Variants in DYM observed in about 807,000 individuals in gnomAD.
DYM encodes the protein dyggve-Melchior-Clausen syndrome protein.
Under a neutral mutation model 93.1 loss-of-function variants are expected in DYM, and 78 were observed. The observed-to-expected ratio is 0.84, with a 90% CI of 0.70 to 1.01. The LOEUF is 1.01. Among genes scored for constraint, DYM ranks in the 50% least tolerant of loss-of-function variants. The pLI is 0.00. For synonymous variants in DYM, 321 were observed against 319.7 expected (o/e 1.00, Z -0.04); for missense variants, 789 against 845.0 (o/e 0.93, Z 0.82).
At chr18:49,047,836 G>C (rs887344303) in intron 17 of DYM, among the ~76,000 whole-genome samples, 6 of 152,046 alleles carry the variant, frequency 3.9e-5, no homozygotes, top group Non-Finnish European at 4.4e-5. Context: ...TGTAGCAAGA[G>C]GGGGGCAACA....
chr18:49,450,900 T>C (rs1244710278), intron 1 of DYM, among the ~76,000 whole-genome samples: 1 of 152,204 alleles, frequency 6.6e-6, no homozygotes, highest in African/African-American at 2.4e-5. Flanking sequence ...AATCAAGCTA[T>C]ATTAAGGACT....
At chr18:49,085,964 G>C (rs72921680) in intron 17 of DYM, among the ~76,000 whole-genome samples, 52,272 of 152,012 alleles carry the variant, frequency 0.34, 9,770 homozygotes, top group Middle Eastern at 0.46. Context: ...GTTTGTGAAT[G>C]ACACATTTCT....
intron 10 of DYM, among the ~76,000 whole-genome samples, chr18:49,275,449 G>A (rs186081885): frequency 2.0e-5 from 3 of 152,168 alleles, no homozygotes; most frequent in South Asian, 2.1e-4. Context: ...GGCTATTCTT[G>A]GACCTTTGTA....
At chr18:49,189,436 T>G (rs1006455467) in intron 14 of DYM, among the ~76,000 whole-genome samples, 2 of 152,176 alleles carry the variant, frequency 1.3e-5, no homozygotes, top group African/African-American at 4.8e-5. Context: ...CTGGGAAGCA[T>G]TAGATAATAT....
intron 5 of DYM, among the ~76,000 whole-genome samples, chr18:49,377,020 A>C (rs1318428240): frequency 6.6e-6 from 1 of 152,228 alleles, no homozygotes; most frequent in Non-Finnish European, 1.5e-5. Flanking sequence ...ATGGGGTCTC[A>C]GAGGGAGAAG....
chr18:49,082,774 C>T (rs985739692), intron 17 of DYM, among the ~76,000 whole-genome samples: 4 of 152,176 alleles, frequency 2.6e-5, no homozygotes, highest in Admixed American at 2.0e-4. Flanking sequence ...AATGTGTATA[C>T]ATTTGATTTC....
chr18:49,243,390 C>T (rs778740299), intron 13 of DYM, among the ~76,000 whole-genome samples: 1 of 152,012 alleles, frequency 6.6e-6, no homozygotes, highest in Admixed American at 6.6e-5. Context: ...TAGGGCTGGG[C>T]GTGGTGGCTC....
intron 14 of DYM, among the ~76,000 whole-genome samples, chr18:49,179,021 T>C (rs11874545): frequency 3.7e-4 from 56 of 152,174 alleles, no homozygotes; most frequent in African/African-American, 1.3e-3. Flanking sequence ...AGGGCATTGA[T>C]ACATTATATT....
chr18:49,343,742 A>T (rs73445727), intron 6 of DYM, among the ~76,000 whole-genome samples: 3,940 of 152,270 alleles, frequency 0.026, 158 homozygotes, highest in African/African-American at 0.089. Flanking sequence ...CCATTCGTGT[A>T]CAAATTTTAA....
chr18:49,410,515 CAA>C lies in DYM; in HGVS notation c.141-18872_141-18871del, dbSNP rs113670754. 6.3e-4 allele frequency among the ~76,000 whole-genome samples: 88 copies of C among 139,042 alleles called. 1 individual carries two copies. The highest frequency in any genetic ancestry group is 1.9e-3 in the African/African-American group (72 of 37,754). The allele number at this position is 139,042 out of a possible 152,430, so 91.2% of individuals were successfully genotyped here. Reference sequence around the variant, plus strand: ...TGGTTGTATAATAACACCACAACCTCAAAAAAAAAAAAAGTCTTATTATATAC... The same window carrying C: ...TGGTTGTATAATAACACCACAACCTCAAAAAAAAAAAGTCTTATTATATAC... On this transcript the variant is annotated intron_variant, in intron 2 of 17. Coordinates refer to ENST00000675505, the MANE Select transcript of DYM (RefSeq NM_001353214.3).
rs533151834 is a variant in DYM at position 49,217,422 on chromosome 18, C to T, written c.1461-7707G>A. ...CAGAGAACGCCACAAAGATACTCCT[C>T]GAGAAGAGCAACTCCAAGACACATA... is the stretch of plus-strand genomic sequence containing the variant. On this transcript the variant is annotated intron_variant, in intron 13 of 17. Coordinates refer to ENST00000675505, the MANE Select transcript of DYM (RefSeq NM_001353214.3). 2.8e-3 allele frequency among the ~76,000 whole-genome samples: 421 copies of T among 152,010 alleles called. 1 individual carries two copies. The highest frequency in any genetic ancestry group is 4.9e-3 in the Admixed American group (75 of 15,268).
intron 3 of DYM, among the ~76,000 whole-genome samples, chr18:49,380,434 T>C (rs2067939267): frequency 6.6e-6 from 1 of 152,190 alleles, no homozygotes; most frequent in African/African-American, 2.4e-5. Context: ...ACAGCTAACA[T>C]ATGCTGAACA....
chr18:49,315,563 G>A (rs2146447955), intron 8 of DYM, among the ~76,000 whole-genome samples: 1 of 152,252 alleles, frequency 6.6e-6, no homozygotes, highest in East Asian at 1.9e-4. Flanking sequence ...TTTATGGTCT[G>A]ATTACTTAAA....
intron 15 of DYM, chr18:49,126,079 C>T (rs1280219001): frequency 6.6e-6 from 1 of 152,198 alleles, no homozygotes; most frequent in Admixed American, 6.5e-5. Context: ...AGTATTTATA[C>T]ATTTGTAATC....
chr18:49,135,326 T>G (rs1426630609), intron 15 of DYM, among the ~76,000 whole-genome samples: 1 of 152,168 alleles, frequency 6.6e-6, no homozygotes, highest in Non-Finnish European at 1.5e-5. Context: ...TATGAAAAAT[T>G]GGCCAGATAT....
intron 3 of DYM, among the ~76,000 whole-genome samples, chr18:49,388,414 A>G (rs901312249): frequency 6.6e-6 from 1 of 152,098 alleles, no homozygotes; most frequent in Non-Finnish European, 1.5e-5. Context: ...GTCAGAGAGA[A>G]AAAGAATGTA....
rs2070774295 is a variant in DYM at position 49,038,202 on chromosome 18, C to T, written c.*5853G>A. Among the ~76,000 whole-genome samples the T allele has an allele frequency of 1.3e-5, 2 of 152,092 alleles. No homozygotes were observed. The highest frequency in any genetic ancestry group is 2.9e-5 in the Non-Finnish European group (2 of 68,014). Reference sequence around the variant, plus strand: ...AAAGTATGTTATTGAGTTTGGTGTCCTACATACATCCGTTTGGTTTGCTCA... The same window carrying T: ...AAAGTATGTTATTGAGTTTGGTGTCTTACATACATCCGTTTGGTTTGCTCA... On this transcript the variant is annotated 3_prime_UTR_variant, in exon 18 of 18. Transcript: ENST00000675505.
chr18:49,304,191 C>A (rs1247731751), intron 8 of DYM, among the ~76,000 whole-genome samples: 1 of 152,188 alleles, frequency 6.6e-6, no homozygotes, highest in African/African-American at 2.4e-5. Context: ...CTGTTAAGAC[C>A]ATAGTCTGCC....
chr18:49,097,874 G>GCGCTCTCTCT (rs1555753684), intron 16 of DYM, among the ~76,000 whole-genome samples: 1 of 141,180 alleles, frequency 7.1e-6, no homozygotes, highest in Non-Finnish European at 1.5e-5. Flanking sequence ...CTTAATATTA[G>GCGCTCTCTCT]CTCTCTCTCT....
Sources: allele counts gnomAD v4.1 joint callset (sites outside exome capture counted in the v4.1 genomes callset), GRCh38; gene constraint gnomAD v4.1.1; transcripts MANE v1.5; gene names NCBI Gene and HGNC (gene_info 2026-07-23, HGNC 2026-07-21).